ITPKB: variants seen among roughly 807,000 people sequenced by gnomAD.
ITPKB encodes the protein inositol-trisphosphate 3-kinase B, also known as IP3 3-kinase B.
Under a neutral mutation model 69.4 loss-of-function variants are expected in ITPKB, and 13 were observed. The ratio of observed to expected loss-of-function variants is 0.19; its 90% CI spans 0.12 to 0.30. ITPKB has a LOEUF of 0.30. Among genes scored for constraint, ITPKB ranks in the 10% least tolerant of loss-of-function variants. The pLI is 1.00. For synonymous variants in ITPKB, 584 were observed against 513.7 expected (o/e 1.14, Z -1.85); for missense variants, 1,240 against 1,250.5 (o/e 0.99, Z 0.13).
intron 2 of ITPKB, among the ~76,000 whole-genome samples, chr1:226,706,692 C>T (rs1242223985): frequency 1.1e-4 from 17 of 152,202 alleles, no homozygotes; most frequent in Admixed American, 1.0e-3. Flanking sequence ...TATATGTCAC[C>T]TTCTAAAGCT....
At chr1:226,698,483 C>T (rs1030137498) in intron 2 of ITPKB, among the ~76,000 whole-genome samples, 1 of 152,218 alleles carries the variant, frequency 6.6e-6, no homozygotes, top group Non-Finnish European at 1.5e-5. Flanking sequence ...CATTTTGCCT[C>T]TCCCCAGACT....
chr1:226,731,744 C>T (rs1432554601), intron 2 of ITPKB, among the ~76,000 whole-genome samples: 2 of 152,078 alleles, frequency 1.3e-5, no homozygotes, highest in African/African-American at 4.8e-5. Context: ...TCGGGGTCCT[C>T]CCAGATCTCA....
chr1:226,634,176 T>A lies in ITPKB; in HGVS notation c.*495A>T, dbSNP rs1668778747. The A allele has an allele frequency of 6.3e-6, 1 of 157,640 alleles. No individual in the cohort carries two copies. The highest frequency in any genetic ancestry group is 5.9e-5 in the Admixed American group (1 of 16,884). 9.8% of individuals were successfully genotyped at this position (157,640 alleles called of 1,614,324 possible). ...TTCCCCGATGGTTTTGTGCCCCAACTACCAGAAAGCCCTGCTCCCAGCCAG... is the reference window on the plus strand; with the variant it reads ...TTCCCCGATGGTTTTGTGCCCCAACAACCAGAAAGCCCTGCTCCCAGCCAG... On this transcript the variant is annotated 3_prime_UTR_variant, in exon 8 of 8. Transcript: ENST00000429204. This position sits in a 1 kb window ranked among gnomAD's most constrained non-coding sequence, Gnocchi z 6.3.
Position 226,737,326 on chromosome 1 carries a change from C to G in ITPKB, c.133G>C (p.Gly45Arg), listed in dbSNP as rs1410178681. Residue 45 changes from glycine to arginine, a missense_variant, in exon 2 of 8, where the codon GGC becomes CGC. Transcript: ENST00000429204. Reference sequence around the variant, plus strand: ...CCTCTCCCGGGGCTGAAAACGCTGCCGGGGCTCAGCACTGCCCTCCTCGGG... The same window carrying G: ...CCTCTCCCGGGGCTGAAAACGCTGCGGGGGCTCAGCACTGCCCTCCTCGGG... The part of the protein sequence containing the change: ...PPPRRAVLSP[G>R]SVFSPGRGAS... 2.5e-6 allele frequency: 4 copies of G among 1,594,980 alleles called. No homozygotes were observed. Among genetic ancestry groups the G allele is most frequent in the South Asian group, 1.1e-5 (1 of 90,276 alleles).
At chr1:226,706,056 G>A (rs1057399149) in intron 2 of ITPKB, among the ~76,000 whole-genome samples, 1 of 152,212 alleles carries the variant, frequency 6.6e-6, no homozygotes, top group Non-Finnish European at 1.5e-5. Context: ...AGCAGGCAGA[G>A]GCTAGTATCT....
chr1:226,649,129 A>G (rs146914201), intron 2 of ITPKB, among the ~76,000 whole-genome samples: 151 of 152,374 alleles, frequency 9.9e-4, no homozygotes, highest in African/African-American at 3.5e-3. Context: ...TGGTTTGAAG[A>G]GAGACTTTAA....
intron 2 of ITPKB, among the ~76,000 whole-genome samples, chr1:226,686,090 C>T (rs925219149): frequency 2.0e-5 from 3 of 152,186 alleles, no homozygotes; most frequent in African/African-American, 4.8e-5. Flanking sequence ...AGCGACCCCC[C>T]GCCCTAAAAG....
chr1:226,661,009 G>A (rs1183486872), intron 2 of ITPKB, among the ~76,000 whole-genome samples: 1 of 152,250 alleles, frequency 6.6e-6, no homozygotes, highest in Non-Finnish European at 1.5e-5. Context: ...GTTACAGAGG[G>A]TGGAAATTTA....
rs1339262552 is a variant in ITPKB, at chr1:226,738,441, G to GTCCC, written c.-206+596_-206+599dup. Among the ~76,000 whole-genome samples, 1 of 152,194 alleles carries GTCCC rather than the reference G, an allele frequency of 6.6e-6. No homozygotes were observed. Among genetic ancestry groups the GTCCC allele is most frequent in the Non-Finnish European group, 1.5e-5 (1 of 68,028 alleles). On this transcript the variant is annotated intron_variant, in intron 1 of 7. Transcript: ENST00000429204. The surrounding 1 kb of genome is among the most constrained non-coding windows in gnomAD (Gnocchi z 4.2). ...CAGTACTTGCTGCCCCCCTGCCGTC[G>GTCCC]TCCCCTATGGGGGGGTGTCTGTGAG...
At chr1:226,721,348 CAAA>C (rs11353595) in intron 2 of ITPKB, among the ~76,000 whole-genome samples, 12 of 64,652 alleles carry the variant, frequency 1.9e-4, no homozygotes, top group Admixed American at 3.3e-4. Flanking sequence ...AACTCTGTCT[CAAA>C]AAAAAAAAAA....
intron 2 of ITPKB, among the ~76,000 whole-genome samples, chr1:226,733,460 CG>C (rs1657653744): frequency 4.6e-5 from 7 of 152,058 alleles, no homozygotes; most frequent in Admixed American, 3.9e-4. Context: ...AAGGCTCCAG[CG>C]TAACAATCTG....
intron 2 of ITPKB, among the ~76,000 whole-genome samples, chr1:226,705,423 G>A (rs1016310796): frequency 3.9e-5 from 6 of 152,028 alleles, no homozygotes; most frequent in African/African-American, 1.5e-4. Flanking sequence ...CAGCTACTCG[G>A]GAGGCTGAAG....
intron 2 of ITPKB, among the ~76,000 whole-genome samples, chr1:226,704,770 T>C (rs1482254925): frequency 6.6e-6 from 1 of 152,260 alleles, no homozygotes; most frequent in Non-Finnish European, 1.5e-5. Context: ...GAGGCTTTTA[T>C]CTCTACCGAT....
intron 7 of ITPKB, among the ~76,000 whole-genome samples, chr1:226,636,793 T>TGTGTGTGTGA (rs1553315945): frequency 3.1e-5 from 4 of 130,660 alleles, no homozygotes; most frequent in African/African-American, 1.4e-4. Context: ...TGTGTGTGTG[T>TGTGTGTGTGA]GAGACTGGGA....
chr1:226,689,525 GAGA>G lies in ITPKB; in HGVS notation c.1933-40757_1933-40755del, dbSNP rs546052644. On this transcript the variant is annotated intron_variant, in intron 2 of 7. Transcript: ENST00000429204. ...CTCACTATCCGGGTGGAGAAAGGAG[GAGA>G]AGGTTTTTGTGGGTTTTTTTCCTTT... Among the ~76,000 whole-genome samples, 15 of 152,082 alleles carry G rather than the reference GAGA, an allele frequency of 9.9e-5. No homozygotes were observed. The East Asian group carries it at 2.7e-3, about 27-fold the overall frequency.
At chr1:226,726,354 G>A (rs1253674465) in intron 2 of ITPKB, among the ~76,000 whole-genome samples, 1 of 152,184 alleles carries the variant, frequency 6.6e-6, no homozygotes, top group Non-Finnish European at 1.5e-5. Flanking sequence ...GATGATGAAG[G>A]AGAAAGGTTA....
chr1:226,726,338 TATGATG>T (rs1051062493), intron 2 of ITPKB, among the ~76,000 whole-genome samples: 1 of 152,136 alleles, frequency 6.6e-6, no homozygotes, highest in African/African-American at 2.4e-5. Context: ...CTGTGATGAC[TATGATG>T]ATGATGAAGG....
Position 226,737,140 on chromosome 1 carries a change from G to T in ITPKB, c.319C>A (p.Arg107=). ...VSSPSWAGRL[R]GDRQQVVAAG... is the part of the protein sequence containing the mutation. ...GCCACCACCTGCTGCCGGTCCCCTC[G>T]CAGGCGACCAGCCCAACTTGGGCTG... Residue 107 remains arginine (R), a synonymous_variant, in exon 2 of 8, where the codon CGA becomes AGA. Coordinates refer to ENST00000429204, the MANE Select transcript of ITPKB (RefSeq NM_002221.4). 1 of 1,601,064 alleles carries T rather than the reference G, an allele frequency of 6.2e-7. No individual in the cohort carries two copies.
At chr1:226,717,218 C>G (rs987003316) in intron 2 of ITPKB, among the ~76,000 whole-genome samples, 1 of 152,170 alleles carries the variant, frequency 6.6e-6, no homozygotes, top group Admixed American at 6.5e-5. Context: ...TCTGCTGCCC[C>G]CTCCTGAGAC....
Sources: allele counts gnomAD v4.1 joint callset (sites outside exome capture counted in the v4.1 genomes callset), GRCh38; gene constraint gnomAD v4.1.1; non-coding constraint Gnocchi (gnomAD v3.1); transcripts MANE v1.5; gene names NCBI Gene and HGNC (gene_info 2026-07-23, HGNC 2026-07-21).